The following NIBAN1 variants were observed in gnomAD, a reference collection of about 807,000 sequenced individuals.
NIBAN1 encodes the protein protein Niban 1.
NIBAN1 carries 81 observed loss-of-function variants against 75.1 expected under a neutral mutation model. That is an observed-to-expected ratio of 1.08 (90% CI 0.90 to 1.30). The LOEUF (loss-of-function observed/expected upper bound fraction) is 1.30. Ranked by LOEUF, NIBAN1 falls within the 50% of genes most tolerant of loss-of-function variation. NIBAN1 has a pLI of 0.00. For missense variants in NIBAN1, 1,133 were observed against 1,128.1 expected, an observed-to-expected ratio of 1.00 and a Z score of -0.06; for synonymous variants, 436 against 424.8, an observed-to-expected ratio of 1.03 and a Z score of -0.32.
chr1:184,949,369 A>C (rs1247714070), intron 1 of NIBAN1, among the ~76,000 whole-genome samples: 1 of 152,254 alleles, frequency 6.6e-6, no homozygotes, highest in Non-Finnish European at 1.5e-5. Context: ...AAAAATAAAT[A>C]AATAAATAAA....
At chr1:184,845,558 A>T (rs537115085) in intron 5 of NIBAN1, among the ~76,000 whole-genome samples, 8 of 152,296 alleles carry the variant, frequency 5.3e-5, no homozygotes, top group Admixed American at 5.2e-4. Flanking sequence ...GGAGTTCAAG[A>T]CTAGCTTGGG....
intron 1 of NIBAN1, among the ~76,000 whole-genome samples, chr1:184,918,729 T>G (rs1293877480): frequency 6.6e-6 from 1 of 152,138 alleles, no homozygotes; most frequent in Non-Finnish European, 1.5e-5. Flanking sequence ...GAACCCCCAT[T>G]TCTCCAATGT....
chr1:184,912,455 T>C (rs537957847), intron 1 of NIBAN1, among the ~76,000 whole-genome samples: 39 of 152,160 alleles, frequency 2.6e-4, no homozygotes, highest in Non-Finnish European at 5.0e-4. Context: ...GCAATTCACA[T>C]CCCACTAGCA....
chr1:184,818,873 T>C (rs760620980), intron 8 of NIBAN1, 48 bp from the exon 9 acceptor site: 29 of 1,539,138 alleles, frequency 1.9e-5, no homozygotes, highest in Non-Finnish European at 2.5e-5. Flanking sequence ...CAAAACTGGG[T>C]TTGTGGGCAC....
At chr1:184,918,575 A>G (rs1233748408) in intron 1 of NIBAN1, among the ~76,000 whole-genome samples, 1 of 152,202 alleles carries the variant, frequency 6.6e-6, no homozygotes, top group Non-Finnish European at 1.5e-5. Context: ...CACCCTTCCT[A>G]GAACCTATAG....
At chr1:184,929,725 A>G (rs1402283285) in intron 1 of NIBAN1, among the ~76,000 whole-genome samples, 7 of 152,210 alleles carry the variant, frequency 4.6e-5, no homozygotes, top group African/African-American at 1.7e-4. Flanking sequence ...TCTTAATGTA[A>G]CAATAAAACA....
At position 184,823,333 on chromosome 1, in the gene NIBAN1, C is replaced by T. The variant is rs1159183601; in HGVS notation, c.823-4G>A. The T allele has an allele frequency of 1.9e-6, 3 of 1,613,630 alleles. No homozygotes were observed. The highest frequency in any genetic ancestry group is 2.5e-6 in the Non-Finnish European group (3 of 1,179,864). Reference sequence around the variant, plus strand: ...GGGTGTAGGCCTCCTCGAGGAGCTGCAACAAGGAATAACACATAAATCAGG... The same window carrying T: ...GGGTGTAGGCCTCCTCGAGGAGCTGTAACAAGGAATAACACATAAATCAGG... On this transcript the variant is annotated splice_region_variant and splice_polypyrimidine_tract_variant and intron_variant, in intron 7 of 13. Coordinates refer to ENST00000367511, the MANE Select transcript of NIBAN1 (RefSeq NM_052966.4).
At chr1:184,888,280 A>G (rs1656581479) in intron 4 of NIBAN1, 1 of 152,216 alleles carries the variant, frequency 6.6e-6, no homozygotes, top group South Asian at 2.1e-4. Flanking sequence ...CATCTTTATT[A>G]TGCCTTTATT....
intron 1 of NIBAN1, among the ~76,000 whole-genome samples, chr1:184,932,835 G>C (rs977015066): frequency 6.6e-6 from 1 of 152,164 alleles, no homozygotes; most frequent in South Asian, 2.1e-4. Flanking sequence ...CCTTGTTAGT[G>C]CCAGTCTCTC....
chr1:184,798,168 A>AACT lies in NIBAN1; in HGVS notation c.1574_1576dup (p.Gln525_Phe526insTer). 6.2e-7 allele frequency: 1 copy of AACT among 1,605,706 alleles called. No homozygotes were observed. Among genetic ancestry groups the AACT allele is most frequent in the South Asian group, 1.1e-5 (1 of 90,604 alleles). On this transcript the variant is annotated stop_gained, in exon 13 of 14. Coordinates refer to ENST00000367511, the MANE Select transcript of NIBAN1 (RefSeq NM_052966.4). LOFTEE classifies it high-confidence loss of function. Reference sequence around the variant, plus strand: ...CATATTGGTATGATCTGCAAAGATGAACTGCTCGTATTTCTGAAGCTCCTG... The same window carrying AACT: ...CATATTGGTATGATCTGCAAAGATGAACTACTGCTCGTATTTCTGAAGCTCCTG...
In NIBAN1 at chr1:184,851,618, T is replaced by TA. The variant is rs1200667551; in HGVS notation, c.602-19657dup. ...CAATGTGCACATGTACCCTAAAACT[T>TA]AGAGTATAATAAAAAAAAAAAAAAT... On this transcript the variant is annotated intron_variant, in intron 5 of 13. Transcript: ENST00000367511. Among the ~76,000 whole-genome samples the TA allele has an allele frequency of 9.8e-5, 2 of 20,356 alleles. 1 individual carries two copies. The highest frequency in any genetic ancestry group is 1.8e-4 in the Non-Finnish European group (2 of 11,408). The allele number at this position is 20,356 out of a possible 152,430, so 13.4% of individuals were successfully genotyped here. A position where few individuals can be genotyped will look rare whatever the true frequency, so the allele number is the denominator to read the frequency against.
At chr1:184,895,396 A>G (rs1232759049) in intron 2 of NIBAN1, among the ~76,000 whole-genome samples, 2 of 152,176 alleles carry the variant, frequency 1.3e-5, no homozygotes, top group Non-Finnish European at 2.9e-5. Context: ...GCTGTGGGCC[A>G]TAATGTGCAT....
At chr1:184,816,706 A>T (rs1386094166) in intron 9 of NIBAN1, among the ~76,000 whole-genome samples, 3 of 151,958 alleles carry the variant, frequency 2.0e-5, no homozygotes, top group South Asian at 2.1e-4. Flanking sequence ...GGTACTCTCT[A>T]CTCAGTCCTT....
chr1:184,927,600 C>T (rs766704333), intron 1 of NIBAN1, among the ~76,000 whole-genome samples: 7 of 152,044 alleles, frequency 4.6e-5, no homozygotes, highest in African/African-American at 1.7e-4. Flanking sequence ...TTGGTCAGAC[C>T]GGAAGCCAGG....
rs576871080 is a variant in NIBAN1 at position 184,858,144 on chromosome 1, G to A, written c.602-26182C>T. On this transcript the variant is annotated intron_variant, in intron 5 of 13. Transcript: ENST00000367511. ...ACATAATTAGTTTATAATAACACAT[G>A]AGCAATGAATTTGAGAAAAACATTT... Among the ~76,000 whole-genome samples the A allele has an allele frequency of 9.3e-5, 14 of 151,040 alleles. No homozygotes were observed. The South Asian group carries it at 2.4e-3, about 26-fold the overall frequency.
At chr1:184,803,802 G>T in intron 11 of NIBAN1, 110 bp from the exon 12 acceptor site, 4 of 844,508 alleles carry the variant, frequency 4.7e-6, no homozygotes, top group Non-Finnish European at 7.7e-6. Flanking sequence ...TAATGTCTGA[G>T]AACTCTTGTA....
At chr1:184,799,735 CTTTTTTTT>C (rs780273995) in intron 12 of NIBAN1, among the ~76,000 whole-genome samples, 1 of 49,802 alleles carries the variant, frequency 2.0e-5, no homozygotes, top group Non-Finnish European at 3.7e-5. Context: ...GATTGCCATT[CTTTTTTTT>C]TTTTTTTTTT....
Position 184,818,635 on chromosome 1 carries a change from T to C in NIBAN1, c.1173+3A>G. 5 of 1,588,162 alleles carry C rather than the reference T, an allele frequency of 3.1e-6. No individual in the cohort carries two copies. The highest frequency in any genetic ancestry group is 4.3e-6 in the Non-Finnish European group (5 of 1,161,856). ...CACCCAGCTCCTCAGCTTTGTATCCTACCTCCTTTAGCTGGACACTGTCTT... is the reference window on the plus strand; with the variant it reads ...CACCCAGCTCCTCAGCTTTGTATCCCACCTCCTTTAGCTGGACACTGTCTT... On this transcript the variant is annotated splice_donor_region_variant and intron_variant, in intron 9 of 13. Coordinates refer to ENST00000367511, the MANE Select transcript of NIBAN1 (RefSeq NM_052966.4).
rs1286945993 is a variant in NIBAN1 at position 184,793,249 on chromosome 1, T to C, written c.*1728A>G. 6.6e-6 allele frequency: 1 copy of C among 152,126 alleles called. No homozygotes were observed. 9.4% of individuals were successfully genotyped at this position (152,126 alleles called of 1,614,324 possible). On this transcript the variant is annotated 3_prime_UTR_variant, in exon 14 of 14. Transcript: ENST00000367511. ...GATCTAAACAAGTTCTCAACAAATA[T>C]GTTGAGATCTGATGTTAAAATTTGG...
Sources: allele counts gnomAD v4.1 joint callset (sites outside exome capture counted in the v4.1 genomes callset), GRCh38; gene constraint gnomAD v4.1.1; transcripts MANE v1.5; gene names NCBI Gene and HGNC (gene_info 2026-07-23, HGNC 2026-07-21).